Variants in ENTREP2 observed in about 807,000 individuals in gnomAD.
ENTREP2 encodes the protein endosomal transmembrane epsin interactor 2.
the ENTREP2 span, among the ~76,000 whole-genome samples, chr15:29,170,158 A>G: frequency 4.0e-5 from 6 of 151,878 alleles, no homozygotes; most frequent in Admixed American, 3.9e-4. Context: ...AATAAAAAAA[A>G]TTAGCCAGGC....
chr15:29,608,115 C>T, the ENTREP2 span, among the ~76,000 whole-genome samples: 2 of 152,090 alleles, frequency 1.3e-5, no homozygotes, highest in African/African-American at 4.8e-5. Context: ...ATTGTGCCCA[C>T]CAGATTAAGG....
At chr15:29,634,880 A>G in the ENTREP2 span, among the ~76,000 whole-genome samples, 8 of 152,170 alleles carry the variant, frequency 5.3e-5, no homozygotes, top group Non-Finnish European at 1.2e-4. Context: ...TGGAAGAGGG[A>G]GCACGAAGCT....
the ENTREP2 span, among the ~76,000 whole-genome samples, chr15:29,132,175 A>G: frequency 4.5e-5 from 6 of 131,956 alleles, no homozygotes; most frequent in Admixed American, 3.5e-4. Flanking sequence ...GAGGAGCACT[A>G]CTGACCCTGC....
chr15:29,208,162 C>G, the ENTREP2 span, among the ~76,000 whole-genome samples: 3 of 128,074 alleles, frequency 2.3e-5, no homozygotes, highest in East Asian at 2.9e-4. Context: ...CCCCTCCCCC[C>G]ACCCTGAGTC....
At chr15:29,637,744 G>A in the ENTREP2 span, among the ~76,000 whole-genome samples, 27 of 152,258 alleles carry the variant, frequency 1.8e-4, no homozygotes, top group Admixed American at 3.9e-4. Flanking sequence ...GATCTATTAC[G>A]GGAACGAGAC....
the ENTREP2 span, chr15:29,120,550 A>G: frequency 6.6e-6 from 1 of 152,200 alleles, no homozygotes; most frequent in African/African-American, 2.4e-5. Flanking sequence ...CTTGCTTGCC[A>G]TAGAGTTGGG....
the ENTREP2 span, among the ~76,000 whole-genome samples, chr15:29,173,366 C>G: frequency 1.3e-5 from 2 of 152,216 alleles, no homozygotes; most frequent in Non-Finnish European, 2.9e-5. Flanking sequence ...GTTCTCAGAT[C>G]TTCTTTTGGT....
chr15:29,468,610 C>CAA, the ENTREP2 span, among the ~76,000 whole-genome samples: 147 of 102,356 alleles, frequency 1.4e-3, no homozygotes, highest in African/African-American at 2.4e-3. Context: ...AACTCCATCT[C>CAA]AAAAAAAAAA....
At chr15:29,240,831 T>C in the ENTREP2 span, among the ~76,000 whole-genome samples, 1 of 152,164 alleles carries the variant, frequency 6.6e-6, no homozygotes, top group African/African-American at 2.4e-5. Flanking sequence ...AGTAAATGAA[T>C]GAACGTACAG....
At chr15:29,607,825 TAGAC>T in the ENTREP2 span, among the ~76,000 whole-genome samples, 400 of 84,974 alleles carry the variant, frequency 4.7e-3, 1 homozygote, top group African/African-American at 0.026. Context: ...GATAGATAGA[TAGAC>T]AGACAGACAG....
chr15:29,540,670 C>T, the ENTREP2 span, among the ~76,000 whole-genome samples: 13 of 152,332 alleles, frequency 8.5e-5, no homozygotes, highest in African/African-American at 3.1e-4. Context: ...TCTATAATTG[C>T]TTGACAGCAT....
chr15:29,367,781 G>C, the ENTREP2 span, among the ~76,000 whole-genome samples: 7 of 151,972 alleles, frequency 4.6e-5, no homozygotes, highest in Non-Finnish European at 1.0e-4. Context: ...CCAATAACTA[G>C]GTAACTCCTA....
the ENTREP2 span, among the ~76,000 whole-genome samples, chr15:29,471,830 A>C: frequency 1.3e-5 from 2 of 152,162 alleles, no homozygotes; most frequent in African/African-American, 4.8e-5. Flanking sequence ...AAGATTCTGA[A>C]CAAGCTGCAG....
At chr15:29,273,224 A>T in the ENTREP2 span, among the ~76,000 whole-genome samples, 2 of 130,024 alleles carry the variant, frequency 1.5e-5, no homozygotes, top group Non-Finnish European at 1.6e-5. Context: ...TTTGAGATGG[A>T]GTTGCGCTCT....
chr15:29,378,055 A>G, the ENTREP2 span, among the ~76,000 whole-genome samples: 1 of 152,020 alleles, frequency 6.6e-6, no homozygotes, highest in East Asian at 1.9e-4. Context: ...GAGAAGAAAG[A>G]TAATGTCCAC....
chr15:29,252,554 G>T, the ENTREP2 span: 1 of 763,124 alleles, frequency 1.3e-6, no homozygotes, highest in Non-Finnish European at 2.2e-6. Context: ...CTTTACAACA[G>T]CTTTCATTTA....
the ENTREP2 span, among the ~76,000 whole-genome samples, chr15:29,158,122 T>TTAAATGAATGC: frequency 6.6e-6 from 1 of 152,236 alleles, no homozygotes; most frequent in Non-Finnish European, 1.5e-5. Context: ...CCACTGTCAT[T>TTAAATGAATGC]TAAATGAATG....
chr15:29,199,321 T>G, the ENTREP2 span, among the ~76,000 whole-genome samples: 1 of 152,082 alleles, frequency 6.6e-6, no homozygotes, highest in African/African-American at 2.4e-5. Flanking sequence ...AATGAGGGAC[T>G]AAGCCAAGAA....
At chr15:29,381,823 C>G in the ENTREP2 span, 3 of 1,551,656 alleles carry the variant, frequency 1.9e-6, no homozygotes, top group Non-Finnish European at 2.6e-6. Context: ...TGAGTCCCGA[C>G]AGCAGCACCT....
Sources: gnomAD v4.1 joint callset for allele counts (sites outside exome capture counted in the v4.1 genomes callset) on GRCh38, gnomAD v4.1.1 for gene constraint, MANE v1.5 for transcripts, NCBI Gene and HGNC (gene_info 2026-07-23, HGNC 2026-07-21) for gene names.